Variants in CTPS1 observed in about 807,000 individuals in gnomAD.
CTPS1 encodes the protein CTP synthase 1, also known as CTP synthetase 1.
A neutral mutation model predicts 80.5 loss-of-function variants in CTPS1; 25 were observed. The ratio of observed to expected loss-of-function variants is 0.31; its 90% confidence interval spans 0.23 to 0.43. The LOEUF (loss-of-function observed/expected upper bound fraction) is 0.43, where lower values mean the gene tolerates loss of function less well. Ranked by LOEUF, CTPS1 falls within the 20% of genes least tolerant of loss-of-function variation. CTPS1 has a pLI of 1.00. For missense variants in CTPS1, 442 were observed against 725.7 expected (o/e 0.61, Z 4.49); for synonymous variants, 267 against 252.5 (o/e 1.06, Z -0.54).
At chr1:41,010,111 A>C (rs372591279) in intron 17 of CTPS1, 50 bp from the exon 18 acceptor site, 1 of 1,370,326 alleles carries the variant, frequency 7.3e-7, no homozygotes, top group African/African-American at 1.4e-5. Flanking sequence ...ACAGGGACGT[A>C]AAGTGAGTTT....
intron 3 of CTPS1, 136 bp downstream of exon 3, chr1:40,985,127 C>T (rs1338742269): frequency 2.1e-5 from 11 of 522,582 alleles, no homozygotes; most frequent in Non-Finnish European, 2.1e-5. Flanking sequence ...ATGAAACTCT[C>T]AAGGTATTGT....
At chr1:40,994,278 G>A (rs1642697853) in intron 7 of CTPS1, among the ~76,000 whole-genome samples, 1 of 152,170 alleles carries the variant, frequency 6.6e-6, no homozygotes. Flanking sequence ...TTTGTGTGTA[G>A]TGTGAGGTAA....
At position 41,007,800 on chromosome 1, in the gene CTPS1, G is replaced by T. The variant is rs183538766; in HGVS notation, c.1393+255G>T. Among the ~76,000 whole-genome samples, 167 of 152,350 alleles carry T rather than the reference G, an allele frequency of 1.1e-3. No individual in the cohort carries two copies. Among genetic ancestry groups the T allele is most frequent in the Non-Finnish European group, 2.1e-3 (144 of 68,034 alleles). On this transcript the variant is annotated intron_variant, in intron 14 of 18. Transcript: ENST00000650070. This position sits in a 1 kb window ranked among gnomAD's most constrained non-coding sequence, Gnocchi z 4.4. ...ATGGGCGCCTCAACAGAATGAGGCA[G>T]TGAGGTTACATTCATCCTTATCGGT... is the stretch of plus-strand genomic sequence containing the variant.
Position 41,008,728 on chromosome 1 carries a change from C to T in CTPS1, c.1449+14C>T. On this transcript the variant is annotated intron_variant, in intron 15 of 18. Coordinates refer to ENST00000650070, the MANE Select transcript of CTPS1 (RefSeq NM_001905.4). Reference sequence around the variant, plus strand: ...CACCGATTTGAGGTGAGGATTCCAGCTTGCTGGTACTCTGGAAAGATAGTG... The same window carrying T: ...CACCGATTTGAGGTGAGGATTCCAGTTTGCTGGTACTCTGGAAAGATAGTG... The T allele has an allele frequency of 1.2e-6, 2 of 1,614,028 alleles. No homozygotes were observed.
At chr1:40,995,835 T>G (rs1642738168) in intron 7 of CTPS1, 82 bp from the exon 8 acceptor site, 2 of 1,378,458 alleles carry the variant, frequency 1.5e-6, no homozygotes, top group Non-Finnish European at 2.0e-6. Flanking sequence ...CATAATATTT[T>G]TACAAGGTCA....
chr1:40,981,522 T>C (rs1642290440), intron 1 of CTPS1, among the ~76,000 whole-genome samples: 2 of 152,076 alleles, frequency 1.3e-5, no homozygotes, highest in African/African-American at 2.4e-5. Context: ...TTAGAACATA[T>C]CTAAAATGTA....
Position 40,992,376 on chromosome 1 carries a change from A to G in CTPS1, c.720+531A>G, listed in dbSNP as rs556030373. Among the ~76,000 whole-genome samples the G allele has an allele frequency of 1.2e-4, 19 of 152,056 alleles. No homozygotes were observed. In the South Asian group the frequency reaches 3.7e-3, roughly 30 times the overall value. On this transcript the variant is annotated intron_variant, in intron 7 of 18. Transcript: ENST00000650070. ...GTGTGTGTGTACATGTGTGGTGTGT[A>G]TCTCCCTTCACAGACTCTAAGCTTC...
At position 40,983,436 on chromosome 1, in the gene CTPS1, C is replaced by T; in HGVS notation, c.146C>T (p.Thr49Ile). The T allele has an allele frequency of 6.2e-7, 1 of 1,613,332 alleles. No individual in the cohort carries two copies. The highest frequency in any genetic ancestry group is 8.5e-7 in the Non-Finnish European group (1 of 1,179,518). The change falls in exon 2 of 19, where the codon ACA (threonine) becomes ATA (isoleucine). Residue 49 changes from threonine to isoleucine, a missense_variant. Physicochemically the swap from Thr to Ile is moderately conservative, Grantham distance 89. Around this residue, in one of 4 missense-constraint regions of CTPS1, gnomAD observed 25 missense variants for 72.7 expected, o/e 0.34. Transcript: ENST00000650070. ...IDPYINIDAG[T>I]FSPYEHGEVF... Reference sequence around the variant, plus strand: ...CCCTACATTAACATTGATGCAGGAACATTCTCTCCTTATGAGCATGGTAAG... The same window carrying T: ...CCCTACATTAACATTGATGCAGGAATATTCTCTCCTTATGAGCATGGTAAG...
Position 41,008,868 on chromosome 1 carries a change from A to T in CTPS1, c.1524A>T (p.Arg508Ser). Residue 508 changes from arginine (R) to serine (S), a missense_variant, in exon 16 of 19, where the codon AGA becomes AGT. Arg to Ser is a moderately radical substitution (Grantham distance 110). Coordinates refer to ENST00000650070, the MANE Select transcript of CTPS1 (RefSeq NM_001905.4). ...KFVGQDVEGE[R>S]MEIVELEDHP... ...TTGGCCAAGATGTTGAAGGAGAGAG[A>T]ATGGAAATTGTGGAGTTAGAAGGTG... 6.2e-7 allele frequency: 1 copy of T among 1,613,302 alleles called. No individual in the cohort carries two copies. Among genetic ancestry groups the T allele is most frequent in the Non-Finnish European group, 8.5e-7 (1 of 1,179,372 alleles).
intron 3 of CTPS1, among the ~76,000 whole-genome samples, chr1:40,986,753 G>A (rs1232495161): frequency 2.0e-5 from 3 of 152,124 alleles, no homozygotes; most frequent in African/African-American, 7.2e-5. Context: ...GCACTTTACC[G>A]AGCATTTTAC....
intron 9 of CTPS1, among the ~76,000 whole-genome samples, chr1:41,000,513 A>G (rs186705696): frequency 3.3e-5 from 5 of 151,380 alleles, no homozygotes; most frequent in East Asian, 3.9e-4. Context: ...TCGGCCTTCC[A>G]AAGTGCTGGG....
chr1:41,007,355 A>G lies in CTPS1; in HGVS notation c.1297-94A>G. Reference sequence around the variant, plus strand: ...AGGAAAGCCTGGAGAATTAGAGCTTACTTACAAGCCTTTGCCACCCACTCA... The same window carrying G: ...AGGAAAGCCTGGAGAATTAGAGCTTGCTTACAAGCCTTTGCCACCCACTCA... On this transcript the variant is annotated intron_variant, in intron 13 of 18. Transcript: ENST00000650070. The surrounding 1 kb of genome is among the most constrained non-coding windows in gnomAD (Gnocchi z 4.4). 1.0e-6 allele frequency: 1 copy of G among 986,474 alleles called. No individual in the cohort carries two copies. The allele number at this position is 986,474 out of a possible 1,614,324, so 61.1% of individuals were successfully genotyped here. A position where few individuals can be genotyped will look rare whatever the true frequency, so the allele number is the denominator to read the frequency against.
chr1:40,991,584 C>T (rs1007096175), intron 6 of CTPS1, among the ~76,000 whole-genome samples, 181 bp from the exon 7 acceptor site: 8 of 152,090 alleles, frequency 5.3e-5, no homozygotes, highest in South Asian at 2.1e-4. Context: ...TCCAGTTTGG[C>T]GTTTACGGAT....
At chr1:40,993,755 T>C (rs1203918021) in intron 7 of CTPS1, among the ~76,000 whole-genome samples, 1 of 151,532 alleles carries the variant, frequency 6.6e-6, no homozygotes, top group East Asian at 1.9e-4. Flanking sequence ...CTGTGCCTTG[T>C]CTTTTCATTT....
chr1:40,982,684 C>G (rs1248834718), intron 1 of CTPS1, among the ~76,000 whole-genome samples: 1 of 152,214 alleles, frequency 6.6e-6, no homozygotes, highest in African/African-American at 2.4e-5. Flanking sequence ...GCCACCATGC[C>G]CAGCCAGAGA....
intron 12 of CTPS1, among the ~76,000 whole-genome samples, chr1:41,005,791 C>A (rs969034448): frequency 6.6e-6 from 1 of 151,956 alleles, no homozygotes; most frequent in African/African-American, 2.4e-5. Flanking sequence ...GTAGTTTGAC[C>A]TTCTTGGGAG....
At chr1:41,003,268 G>A in intron 12 of CTPS1, 92 bp downstream of exon 12, 2 of 1,413,346 alleles carry the variant, frequency 1.4e-6, no homozygotes, top group Middle Eastern at 1.9e-4. Flanking sequence ...AGGAGCTTTG[G>A]AGAAGGGCAG....
At chr1:40,981,229 T>G (rs1476499801) in intron 1 of CTPS1, 1 of 152,210 alleles carries the variant, frequency 6.6e-6, no homozygotes, top group Non-Finnish European at 1.5e-5. Flanking sequence ...GTAGCTGTCA[T>G]GTAAGTCAGT....
At chr1:40,997,189 G>A in intron 8 of CTPS1, 1 of 547,518 alleles carries the variant, frequency 1.8e-6, no homozygotes, top group Non-Finnish European at 3.2e-6. Flanking sequence ...CTGTAGTGCA[G>A]TGGTGCAGTC....
Sources: gnomAD v4.1 joint callset for allele counts (sites outside exome capture counted in the v4.1 genomes callset) on GRCh38, gnomAD v4.1.1 for gene constraint, gnomAD v4.1.1 regional missense constraint, Gnocchi (gnomAD v3.1) non-coding constraint, MANE v1.5 for transcripts, NCBI Gene and HGNC (gene_info 2026-07-23, HGNC 2026-07-21) for gene names.